ZNF521: variants seen among roughly 807,000 people sequenced by gnomAD.
ZNF521 encodes zinc finger protein 521, also known as LYST-interacting protein 3.
Under a neutral mutation model 105.5 loss-of-function variants are expected in ZNF521, and 14 were observed. The ratio of observed to expected loss-of-function variants is 0.13; its 90% confidence interval spans 0.09 to 0.21. ZNF521 has a LOEUF of 0.21. ZNF521 is among the 10% of genes least tolerant of loss of function. The pLI, the probability that ZNF521 is intolerant of heterozygous loss-of-function variation, is 1.00. For synonymous variants in ZNF521, 635 were observed against 606.0 expected (o/e 1.05, Z -0.70); for missense variants, 1,233 against 1,629.7 (o/e 0.76, Z 4.19).
chr18:25,083,026 T>C (rs1004513959), intron 7 of ZNF521, among the ~76,000 whole-genome samples: 1 of 152,044 alleles, frequency 6.6e-6, no homozygotes, highest in East Asian at 1.9e-4. Context: ...GAGGAAAATA[T>C]GAAAAAATAA....
intron 5 of ZNF521, among the ~76,000 whole-genome samples, chr18:25,096,872 T>G (rs1183613281): frequency 6.6e-6 from 1 of 152,126 alleles, no homozygotes; most frequent in African/African-American, 2.4e-5. Flanking sequence ...ACTTAAAAGC[T>G]CTGATCTGAG....
intron 3 of ZNF521, among the ~76,000 whole-genome samples, chr18:25,259,403 TG>T (rs1313944799): frequency 1.3e-5 from 2 of 152,296 alleles, no homozygotes; most frequent in Non-Finnish European, 2.9e-5. Flanking sequence ...GACTGAGTTA[TG>T]GTATCAATTT....
At chr18:25,332,080 T>C (rs1913607114) in intron 2 of ZNF521, among the ~76,000 whole-genome samples, 1 of 117,440 alleles carries the variant, frequency 8.5e-6, no homozygotes, top group Admixed American at 8.2e-5. Flanking sequence ...TTTCTTTCTT[T>C]TTCCCCTTCA....
intron 3 of ZNF521, chr18:25,231,417 A>C (rs1906519472): frequency 6.6e-6 from 1 of 152,290 alleles, no homozygotes. Flanking sequence ...AGAAAAGTGA[A>C]GTCATACCAG....
rs1050811660 is a variant in ZNF521 at position 25,104,261 on chromosome 18, T to C, written c.3659-12180A>G. ...TTGTATACTATGTCAATATAAAGGC[T>C]GATAATGACTCTCCTAACACAAAAG... On this transcript the variant is annotated intron_variant, in intron 5 of 7. Transcript: ENST00000361524. Among the ~76,000 whole-genome samples, 3 of 152,220 alleles carry C rather than the reference T, an allele frequency of 2.0e-5. No homozygotes were observed. The South Asian group carries it at 6.2e-4, about 32-fold the overall frequency.
chr18:25,132,447 A>C (rs2034658020), intron 5 of ZNF521, among the ~76,000 whole-genome samples: 1 of 152,192 alleles, frequency 6.6e-6, no homozygotes, highest in South Asian at 2.1e-4. Context: ...TAAAGAGAAA[A>C]ATAAATACTT....
At chr18:25,218,561 G>C (rs1468689907) in intron 4 of ZNF521, among the ~76,000 whole-genome samples, 1 of 150,842 alleles carries the variant, frequency 6.6e-6, no homozygotes, top group Non-Finnish European at 1.5e-5. Context: ...AGGAGGCTGA[G>C]CCAGGAGGAT....
intron 4 of ZNF521, among the ~76,000 whole-genome samples, chr18:25,209,878 CATTCTTTTTGCTCCCTG>C (rs2036148196): frequency 6.6e-6 from 1 of 152,152 alleles, no homozygotes; most frequent in Admixed American, 6.5e-5. Context: ...GTGGTCTTTA[CATTCTTTTTGCTCCCTG>C]ATTTTCATTG....
At chr18:25,286,673 T>A (rs1435840942) in intron 3 of ZNF521, among the ~76,000 whole-genome samples, 1 of 152,118 alleles carries the variant, frequency 6.6e-6, no homozygotes, top group African/African-American at 2.4e-5. Context: ...TTTCTTGAAA[T>A]AGAAGCTGAG....
chr18:25,181,431 G>A (rs2035630533), intron 5 of ZNF521, among the ~76,000 whole-genome samples: 1 of 152,154 alleles, frequency 6.6e-6, no homozygotes, highest in South Asian at 2.1e-4. Context: ...CAATGGATCA[G>A]TGGGGGAAAA....
chr18:25,327,371 A>C, intron 2 of ZNF521: 1 of 1,041,704 alleles, frequency 9.6e-7, no homozygotes, highest in Non-Finnish European at 1.2e-6. Flanking sequence ...TAACTGTCTA[A>C]TGATGTTGTA....
At chr18:25,280,052 T>C (rs1910268458) in intron 3 of ZNF521, among the ~76,000 whole-genome samples, 7 of 152,266 alleles carry the variant, frequency 4.6e-5, no homozygotes, top group Admixed American at 4.6e-4. Context: ...GGCCAAATTA[T>C]TTCACAGAAT....
intron 4 of ZNF521, among the ~76,000 whole-genome samples, chr18:25,205,939 GA>G (rs1325422243): frequency 6.6e-6 from 1 of 152,038 alleles, no homozygotes; most frequent in African/African-American, 2.4e-5. Context: ...AACTGATCCT[GA>G]ACAGCTATAA....
intron 5 of ZNF521, among the ~76,000 whole-genome samples, chr18:25,097,518 CT>C (rs1477787845): frequency 1.3e-5 from 2 of 152,018 alleles, no homozygotes; most frequent in African/African-American, 4.8e-5. Context: ...ACGCTAGCAC[CT>C]TCTAGGAGTT....
At chr18:25,348,771 A>G (rs1241968881) in intron 2 of ZNF521, among the ~76,000 whole-genome samples, 1 of 152,154 alleles carries the variant, frequency 6.6e-6, no homozygotes, top group Non-Finnish European at 1.5e-5. Flanking sequence ...TGTCCTCTTT[A>G]CTCATTCTTC....
At chr18:25,330,029 A>G (rs978474000) in intron 2 of ZNF521, among the ~76,000 whole-genome samples, 4 of 152,138 alleles carry the variant, frequency 2.6e-5, no homozygotes, top group African/African-American at 9.7e-5. Flanking sequence ...CCATTCCTAG[A>G]CAGGAGCATG....
In ZNF521 at chr18:25,224,558, C is replaced by T. The variant is rs532544800; in HGVS notation, c.3360G>A (p.Gln1120=). ...PPGTNRPGLG[Q]NENLSAIEGK... ...CCTCAATGGCACTCAGATTCTCATTCTGGCCCAAGCCTGGTCTATTCGTGC... is the reference window on the plus strand; with the variant it reads ...CCTCAATGGCACTCAGATTCTCATTTTGGCCCAAGCCTGGTCTATTCGTGC... Residue 1120 remains glutamine, a synonymous_variant, in exon 4 of 8, where the codon CAG becomes CAA. Transcript: ENST00000361524. 7.2e-5 allele frequency: 117 copies of T among 1,614,072 alleles called. 2 individuals are homozygous for T. In the South Asian group the frequency reaches 1.2e-3, roughly 17 times the overall value.
At chr18:25,168,280 C>T (rs1016254995) in intron 5 of ZNF521, among the ~76,000 whole-genome samples, 1 of 152,182 alleles carries the variant, frequency 6.6e-6, no homozygotes, top group Non-Finnish European at 1.5e-5. Flanking sequence ...CCAGCTGGTA[C>T]TTGGAAGAGA....
rs558491688 is a variant in ZNF521 at position 25,327,378 on chromosome 18, T to C, written c.41-5191A>G. On this transcript the variant is annotated intron_variant, in intron 2 of 7. Transcript: ENST00000361524. ...AACGTAATTAACTGTCTAATGATGT[T>C]GTATTTAAAGTTCATATGTGTACTC... is the stretch of plus-strand genomic sequence containing the variant. 4.8e-5 allele frequency: 51 copies of C among 1,062,110 alleles called. 1 individual carries two copies. In the South Asian group the frequency reaches 1.3e-3, roughly 28 times the overall value. 65.8% of individuals were successfully genotyped at this position (1,062,110 alleles called of 1,614,324 possible). A position where few individuals can be genotyped will look rare whatever the true frequency, so the allele number is the denominator to read the frequency against.
Sources: allele counts gnomAD v4.1 joint callset (sites outside exome capture counted in the v4.1 genomes callset), GRCh38; gene constraint gnomAD v4.1.1; transcripts MANE v1.5; gene names NCBI Gene and HGNC (gene_info 2026-07-23, HGNC 2026-07-21).